MAGT1: variants seen among roughly 807,000 people sequenced by gnomAD.
MAGT1 encodes the protein dolichyl-diphosphooligosaccharide--protein glycosyltransferase subunit MAGT1.
MAGT1 carries 4 observed loss-of-function variants against 28.4 expected under a neutral mutation model. The observed-to-expected ratio is 0.14, with a 90% CI of 0.07 to 0.32. The LOEUF (loss-of-function observed/expected upper bound fraction) is 0.32, where lower values mean the gene tolerates loss of function less well. Ranked by LOEUF, MAGT1 falls within the 10% of genes least tolerant of loss-of-function variation. MAGT1 has a pLI of 1.00. For missense variants in MAGT1, 193 were observed against 264.5 expected, an observed-to-expected ratio of 0.73 and a Z score of 1.88; for synonymous variants, 89 against 89.7, an observed-to-expected ratio of 0.99 and a Z score of 0.04.
intron 1 of MAGT1, among the ~76,000 whole-genome samples, chrX:77,876,981 C>T (rs782694022): frequency 2.1e-5 from 2 of 94,970 alleles, no homozygotes; most frequent in South Asian, 1.0e-3. Flanking sequence ...CCATTGCACT[C>T]CAGCCTGGGC....
chrX:77,859,280 A>C (rs2076988907), intron 3 of MAGT1, among the ~76,000 whole-genome samples: 1 of 112,379 alleles, frequency 8.9e-6, no homozygotes, highest in African/African-American at 3.2e-5. Flanking sequence ...ATTTTTAAAA[A>C]CATTACATGG....
chrX:77,884,564 C>T (rs2149028408), intron 1 of MAGT1, among the ~76,000 whole-genome samples: 1 of 110,641 alleles, frequency 9.0e-6, no homozygotes, highest in African/African-American at 3.3e-5. Context: ...TCATTCTAAA[C>T]CAGGGTTTCT....
At chrX:77,866,359 G>GC (rs1557216921) in intron 3 of MAGT1, among the ~76,000 whole-genome samples, 1 of 66,368 alleles carries the variant, frequency 1.5e-5, no homozygotes, top group African/African-American at 3.5e-5. Flanking sequence ...CCATTGGAAA[G>GC]TATAACACAT....
chrX:77,875,304 G>A, intron 2 of MAGT1, 124 bp downstream of exon 2: 1 of 616,958 alleles, frequency 1.6e-6, no homozygotes, highest in East Asian at 3.2e-5. Flanking sequence ...TGCTACCATA[G>A]ACATCCTGAG....
chrX:77,882,917 C>T (rs781863921), intron 1 of MAGT1, among the ~76,000 whole-genome samples: 7 of 105,244 alleles, frequency 6.7e-5, no homozygotes, highest in South Asian at 4.1e-4. Context: ...CAGTGAGCTA[C>T]GATCACACAT....
chrX:77,891,905 T>C (rs2077083687), intron 1 of MAGT1, among the ~76,000 whole-genome samples: 1 of 112,226 alleles, frequency 8.9e-6, no homozygotes, highest in South Asian at 3.6e-4. Flanking sequence ...TTTAATCATA[T>C]TTATTTAGGG....
chrX:77,841,826 C>A (rs782642792), intron 7 of MAGT1, among the ~76,000 whole-genome samples: 1 of 105,977 alleles, frequency 9.4e-6, no homozygotes, highest in African/African-American at 3.4e-5. Flanking sequence ...CAGGTGCTCA[C>A]CACCACGCCC....
At chrX:77,860,408 A>G (rs1557216383) in intron 3 of MAGT1, among the ~76,000 whole-genome samples, 1 of 111,844 alleles carries the variant, frequency 8.9e-6, no homozygotes, top group Non-Finnish European at 1.9e-5. Flanking sequence ...TTGTAGCCCA[A>G]CGATACAATC....
Position 77,861,496 on chromosome X carries a change from C to T in MAGT1, c.391-3999G>A, listed in dbSNP as rs1225213762. On this transcript the variant is annotated intron_variant, in intron 3 of 9. Coordinates refer to ENST00000618282, the MANE Select transcript of MAGT1 (RefSeq NM_001367916.1). The stretch of plus-strand genomic sequence containing the variant: ...CTATGGAAAACAGCATGGAGGTTCC[C>T]CCAAAAGATTAAAAATAGAATTACC... Among the ~76,000 whole-genome samples the T allele has an allele frequency of 5.4e-5, 6 of 111,483 alleles. No homozygotes were observed. In the East Asian group the frequency reaches 1.7e-3, roughly 31 times the overall value.
At chrX:77,890,807 A>T (rs1008109471) in intron 1 of MAGT1, among the ~76,000 whole-genome samples, 1 of 111,596 alleles carries the variant, frequency 9.0e-6, no homozygotes, top group African/African-American at 3.3e-5. Flanking sequence ...TTTCCATTCT[A>T]CTGATGAGGA....
intron 8 of MAGT1, among the ~76,000 whole-genome samples, chrX:77,832,766 T>G (rs1467203581): frequency 1.1e-5 from 1 of 90,411 alleles, no homozygotes; most frequent in African/African-American, 4.5e-5. Context: ...AAGCTTGCAG[T>G]GAACCAAGAT....
rs782793541 is a variant in MAGT1, at chrX:77,855,490, A to G, written c.762+11T>C. On this transcript the variant is annotated intron_variant, in intron 6 of 9. Coordinates refer to ENST00000618282, the MANE Select transcript of MAGT1 (RefSeq NM_001367916.1). ...GGTCTACAAAGGAAAGAAATCCCAG[A>G]CTTCCCTTACCACATGTCCCGTGTG... The G allele has an allele frequency of 6.8e-6, 8 of 1,172,397 alleles. No individual in the cohort carries two copies. The highest frequency in any genetic ancestry group is 9.3e-6 in the Non-Finnish European group (8 of 860,219).
intron 2 of MAGT1, among the ~76,000 whole-genome samples, chrX:77,871,953 ATCC>A (rs1387494360): frequency 9.0e-6 from 1 of 111,255 alleles, no homozygotes; most frequent in African/African-American, 3.3e-5. Context: ...TTCACTCCAT[ATCC>A]TCCTATTTTT....
At position 77,855,705 on chromosome X, in the gene MAGT1, T is replaced by TA. The variant is rs2076979759; in HGVS notation, c.673-116dup. ...GTTAAGACATAGAATTTTTTGCAGA[T>TA]AAATGATTTATTAAGGCTTATATTT... On this transcript the variant is annotated intron_variant, in intron 5 of 9. Transcript: ENST00000618282. The TA allele has an allele frequency of 1.6e-5, 8 of 503,233 alleles. No individual in the cohort carries two copies. In the Admixed American group the frequency reaches 2.8e-4, roughly 18 times the overall value. The allele number at this position is 503,233 out of a possible 1,213,427, so 41.5% of individuals were successfully genotyped here. A position where few individuals can be genotyped will look rare whatever the true frequency, so the allele number is the denominator to read the frequency against.
At chrX:77,854,541 G>A (rs142891766) in intron 6 of MAGT1, among the ~76,000 whole-genome samples, 3,321 of 110,164 alleles carry the variant, frequency 0.03, 54 homozygotes, top group Middle Eastern at 0.085. Context: ...TAGAGATGAC[G>A]TCTCACTATG....
intron 1 of MAGT1, among the ~76,000 whole-genome samples, chrX:77,894,223 G>A: frequency 8.9e-6 from 1 of 112,062 alleles, no homozygotes; most frequent in East Asian, 2.8e-4. Flanking sequence ...GTCTGAGCCT[G>A]CTCACTTCAC....
chrX:77,875,073 G>C (rs1400604318), intron 2 of MAGT1, among the ~76,000 whole-genome samples: 1 of 109,167 alleles, frequency 9.2e-6, no homozygotes, highest in Non-Finnish European at 1.9e-5. Context: ...ATGTTGGCTG[G>C]GCTGGTCTTG....
chrX:77,835,975 T>C (rs2076916515), intron 8 of MAGT1, among the ~76,000 whole-genome samples: 1 of 110,925 alleles, frequency 9.0e-6, no homozygotes, highest in Non-Finnish European at 1.9e-5. Flanking sequence ...AGCTAATTTT[T>C]GTATTTTAGT....
chrX:77,843,647 T>A (rs5912456), intron 7 of MAGT1, among the ~76,000 whole-genome samples: 56,926 of 110,523 alleles, frequency 0.52, 12,886 homozygotes, highest in Non-Finnish European at 0.68. Context: ...GAGTTCTTTA[T>A]CTGCAGGTTT....
Sources: gnomAD v4.1 joint callset for allele counts (sites outside exome capture counted in the v4.1 genomes callset) on GRCh38, gnomAD v4.1.1 for gene constraint, MANE v1.5 for transcripts, NCBI Gene and HGNC (gene_info 2026-07-23, HGNC 2026-07-21) for gene names.